The following SNX30 variants were observed in gnomAD, a reference collection of about 807,000 sequenced individuals.
The protein encoded by SNX30 is sorting nexin family member 30.
Under a neutral mutation model 46.4 loss-of-function variants are expected in SNX30, and 24 were observed. The ratio of observed to expected loss-of-function variants is 0.52; its 90% CI spans 0.37 to 0.73. SNX30 has a LOEUF of 0.73. SNX30 is among the 30% of genes least tolerant of loss of function. The pLI is 0.00. For synonymous variants in SNX30, 189 were observed against 211.5 expected (o/e 0.89, Z 0.92); for missense variants, 533 against 555.7 (o/e 0.96, Z 0.41).
At chr9:112,753,591 C>T (rs1839307981) in intron 1 of SNX30, among the ~76,000 whole-genome samples, 1 of 152,178 alleles carries the variant, frequency 6.6e-6, no homozygotes, top group Admixed American at 6.6e-5. Flanking sequence ...CCATGTTGGC[C>T]AGGCTAGTCT....
intron 1 of SNX30, among the ~76,000 whole-genome samples, chr9:112,779,865 C>T (rs1264708968): frequency 6.6e-6 from 1 of 152,112 alleles, no homozygotes; most frequent in Non-Finnish European, 1.5e-5. Context: ...CTATTTTACA[C>T]GTGACGAAAT....
Position 112,850,866 on chromosome 9 carries a change from TGAA to T in SNX30, c.1028_1030del (p.Lys343del). 3.1e-6 allele frequency: 5 copies of T among 1,613,518 alleles called. No individual in the cohort carries two copies. Among genetic ancestry groups the T allele is most frequent in the Non-Finnish European group, 4.2e-6 (5 of 1,179,704 alleles). ...CTCCTCTGCCTCCCACAGAGTGTAT[TGAA>T]GAAGAGGGACCAAGTTCAAGCAGAG... On this transcript the variant is annotated inframe_deletion, in exon 7 of 9. Transcript: ENST00000374232.
chr9:112,773,679 A>G (rs748746401), intron 1 of SNX30, among the ~76,000 whole-genome samples: 44 of 152,202 alleles, frequency 2.9e-4, no homozygotes, highest in Admixed American at 1.3e-4. Context: ...CATATGGGGA[A>G]GGGGAAACAA....
chr9:112,854,751 G>A (rs541125767), intron 7 of SNX30, among the ~76,000 whole-genome samples: 9 of 152,302 alleles, frequency 5.9e-5, no homozygotes, highest in South Asian at 2.1e-4. Context: ...AGTCCAGCAC[G>A]GTTGGAGCAC....
At chr9:112,838,132 C>T (rs1840793713) in intron 5 of SNX30, among the ~76,000 whole-genome samples, 1 of 151,902 alleles carries the variant, frequency 6.6e-6, no homozygotes, top group Admixed American at 6.6e-5. Flanking sequence ...CCTTGTGATC[C>T]ACCCACCTTG....
chr9:112,868,442 T>C (rs1353573816), intron 8 of SNX30, among the ~76,000 whole-genome samples: 2 of 152,202 alleles, frequency 1.3e-5, no homozygotes. Context: ...CTAGGGACTC[T>C]TCAGGGGTTT....
intron 1 of SNX30, among the ~76,000 whole-genome samples, chr9:112,776,542 G>T (rs1839750861): frequency 1.3e-5 from 2 of 152,190 alleles, no homozygotes; most frequent in South Asian, 4.1e-4. Context: ...CCTTCTTGGT[G>T]ATGCACATGC....
At chr9:112,875,492 T>A (rs1841507860), downstream of SNX30, among the ~76,000 whole-genome samples, 1 of 152,224 alleles carries the variant, frequency 6.6e-6, no homozygotes, top group African/African-American at 2.4e-5. Context: ...GGATCATGGA[T>A]CAAATCTCAG....
At chr9:112,838,440 A>G (rs1840800087) in intron 5 of SNX30, 58 bp from the exon 6 acceptor site, 1 of 1,455,426 alleles carries the variant, frequency 6.9e-7, no homozygotes. Flanking sequence ...TTACTGAGTC[A>G]GTAATAGCAG....
intron 3 of SNX30, among the ~76,000 whole-genome samples, chr9:112,822,799 C>T (rs1840524872): frequency 6.6e-6 from 1 of 152,058 alleles, no homozygotes; most frequent in Non-Finnish European, 1.5e-5. Context: ...TCATGCAGTC[C>T]CGCCTAGGAC....
intron 8 of SNX30, among the ~76,000 whole-genome samples, chr9:112,865,362 G>T (rs1314748581): frequency 6.6e-6 from 1 of 151,846 alleles, no homozygotes; most frequent in Non-Finnish European, 1.5e-5. Flanking sequence ...AGTGGCTCAC[G>T]CCCGTAATCC....
At chr9:112,796,480 G>A (rs949896565) in intron 1 of SNX30, among the ~76,000 whole-genome samples, 4 of 152,180 alleles carry the variant, frequency 2.6e-5, no homozygotes, top group African/African-American at 9.7e-5. Flanking sequence ...ATCAGTGGCT[G>A]CTGCTGTAGT....
At chr9:112,830,942 A>G in intron 4 of SNX30, 59 bp downstream of exon 4, 1 of 1,523,818 alleles carries the variant, frequency 6.6e-7, no homozygotes. Context: ...GCTCTTTCCT[A>G]AAAGCTGTTT....
chr9:112,750,941 G>C lies in SNX30; in HGVS notation c.-61G>C. 1.7e-6 allele frequency: 2 copies of C among 1,179,914 alleles called. No individual in the cohort carries two copies. Among genetic ancestry groups the C allele is most frequent in the African/African-American group, 3.2e-5 (2 of 62,192 alleles). 73.1% of individuals were successfully genotyped at this position (1,179,914 alleles called of 1,614,324 possible). On this transcript the variant is annotated 5_prime_UTR_variant, in exon 1 of 9. Coordinates refer to ENST00000374232, the MANE Select transcript of SNX30 (RefSeq NM_001012994.2). ...CGGGGCTCGGCCCGGGGTGCTCGGG[G>C]AGCTCGCCGCGGCGGGCAGCAGGAG...
At chr9:112,825,787 T>C (rs1840571626) in intron 3 of SNX30, among the ~76,000 whole-genome samples, 1 of 152,186 alleles carries the variant, frequency 6.6e-6, no homozygotes, top group African/African-American at 2.4e-5. Context: ...TTACAGACTA[T>C]AGATGGACTT....
chr9:112,753,077 G>A (rs546497308), intron 1 of SNX30, among the ~76,000 whole-genome samples: 1 of 152,204 alleles, frequency 6.6e-6, no homozygotes. Flanking sequence ...ATTGACACTG[G>A]TACAATGTGG....
chr9:112,811,839 A>G (rs1468592896), intron 2 of SNX30, among the ~76,000 whole-genome samples: 2 of 152,216 alleles, frequency 1.3e-5, no homozygotes, highest in Non-Finnish European at 2.9e-5. Context: ...TCTTTTAAAA[A>G]ATTGTTTACT....
chr9:112,755,614 ATTAG>A (rs1839336603), intron 1 of SNX30, among the ~76,000 whole-genome samples: 1 of 151,806 alleles, frequency 6.6e-6, no homozygotes. Flanking sequence ...ATTCCCCTGA[ATTAG>A]TTAGGATTCT....
rs182346684 is a variant in SNX30 at position 112,779,649 on chromosome 9, C to T, written c.157-25127C>T. On this transcript the variant is annotated intron_variant, in intron 1 of 8. Coordinates refer to ENST00000374232, the MANE Select transcript of SNX30 (RefSeq NM_001012994.2). Reference sequence around the variant, plus strand: ...GGCGGAGGTTGCAATGAGCCAAGATCGCGCCACTGCACCCTAGCCTGGGTG... The same window carrying T: ...GGCGGAGGTTGCAATGAGCCAAGATTGCGCCACTGCACCCTAGCCTGGGTG... Among the ~76,000 whole-genome samples the T allele has an allele frequency of 1.2e-3, 182 of 152,220 alleles. 1 individual carries two copies. Among genetic ancestry groups the T allele is most frequent in the African/African-American group, 4.2e-3 (175 of 41,526 alleles).
Sources: allele counts gnomAD v4.1 joint callset (sites outside exome capture counted in the v4.1 genomes callset), GRCh38; gene constraint gnomAD v4.1.1; transcripts MANE v1.5; gene names NCBI Gene and HGNC (gene_info 2026-07-23, HGNC 2026-07-21).